Variants in FAM120C observed in about 807,000 individuals in gnomAD.
FAM120C encodes the protein family with sequence similarity 120 member C.
Under a neutral mutation model 71.2 loss-of-function variants are expected in FAM120C, and 14 were observed. The ratio of observed to expected loss-of-function variants is 0.20; its 90% CI spans 0.13 to 0.31. The LOEUF is 0.31. Ranked by LOEUF, FAM120C falls within the 10% of genes least tolerant of loss-of-function variation. The probability of loss-of-function intolerance (pLI) is 1.00; values close to 1 mark genes in which losing one functional copy is unlikely to be tolerated. For synonymous variants in FAM120C, 354 were observed against 353.2 expected, an observed-to-expected ratio of 1.00 and a Z score of -0.03; for missense variants, 500 against 879.0, an observed-to-expected ratio of 0.57 and a Z score of 5.45.
rs1244068586 is a variant in FAM120C at position 54,069,721 on chromosome X, A to T, written c.*3312T>A. On this transcript the variant is annotated 3_prime_UTR_variant, in exon 16 of 16. Coordinates refer to ENST00000375180, the MANE Select transcript of FAM120C (RefSeq NM_017848.6). Reference sequence around the variant, plus strand: ...AAATCAAATGTCACTAGCCAAAGCGAGTACCAATTCTTGGGCTTTAAAGTC... The same window carrying T: ...AAATCAAATGTCACTAGCCAAAGCGTGTACCAATTCTTGGGCTTTAAAGTC... 2.7e-5 allele frequency: 3 copies of T among 112,120 alleles called. No homozygotes were observed. The highest frequency in any genetic ancestry group is 5.6e-5 in the Non-Finnish European group (3 of 53,267). 9.2% of individuals were successfully genotyped at this position (112,120 alleles called of 1,213,427 possible). A position where few individuals can be genotyped will look rare whatever the true frequency, so the allele number is the denominator to read the frequency against.
At chrX:54,168,205 C>T (rs1021666439) in intron 1 of FAM120C, among the ~76,000 whole-genome samples, 1 of 111,333 alleles carries the variant, frequency 9.0e-6, no homozygotes, top group African/African-American at 3.3e-5. Flanking sequence ...GGTGGGATCA[C>T]GGCTCACTGC....
chrX:54,143,543 C>A (rs1325225009), intron 4 of FAM120C, among the ~76,000 whole-genome samples: 1 of 112,441 alleles, frequency 8.9e-6, no homozygotes, highest in Non-Finnish European at 1.9e-5. Context: ...AACACCTCTA[C>A]GCAAATAAAC....
intron 1 of FAM120C, among the ~76,000 whole-genome samples, chrX:54,167,356 G>A (rs1294396971): frequency 8.9e-6 from 1 of 111,814 alleles, no homozygotes; most frequent in Non-Finnish European, 1.9e-5. Flanking sequence ...AATTTTCCAG[G>A]AGAGTAAAAT....
intron 4 of FAM120C, among the ~76,000 whole-genome samples, chrX:54,137,026 C>A (rs1323043272): frequency 5.4e-5 from 6 of 110,122 alleles, no homozygotes; most frequent in African/African-American, 2.0e-4. Context: ...GATCTTGGCT[C>A]ACTGCAACCT....
chrX:54,085,962 T>G (rs1431657512), intron 12 of FAM120C, 46 bp from the exon 13 acceptor site: 1 of 1,120,622 alleles, frequency 8.9e-7, no homozygotes, highest in Non-Finnish European at 1.2e-6. Flanking sequence ...TTTTTCGAAC[T>G]TGTCCCATGT....
chrX:54,073,047 G>T lies in FAM120C; in HGVS notation c.3277C>A (p.Arg1093=), dbSNP rs782112448. The change falls in exon 16 of 16, where the codon CGG becomes AGG. Residue 1093 remains arginine (R), a synonymous_variant. Transcript: ENST00000375180. ...TCTTCAGCTTATCAGTCCTCTTTCC[G>T]TTGTGCCACAGTTTCTAGCTTTTGC... The part of the protein sequence containing the change: ...QEQKLETVAQ[R]KED The T allele has an allele frequency of 8.3e-7, 1 of 1,201,760 alleles. No individual in the cohort carries two copies. Among genetic ancestry groups the T allele is most frequent in the Non-Finnish European group, 1.1e-6 (1 of 890,322 alleles).
At chrX:54,094,624 C>A (rs1289688262) in intron 10 of FAM120C, among the ~76,000 whole-genome samples, 2 of 108,792 alleles carry the variant, frequency 1.8e-5, no homozygotes, top group Non-Finnish European at 3.8e-5. Context: ...GGCAGCCAGG[C>A]ACAGTGGCTC....
intron 15 of FAM120C, among the ~76,000 whole-genome samples, chrX:54,074,504 C>T (rs782703665): frequency 1.2e-4 from 13 of 112,620 alleles, no homozygotes; most frequent in East Asian, 5.6e-4. Context: ...CCGCAACCTC[C>T]GCCTCCTGGA....
At chrX:54,137,486 T>G in intron 4 of FAM120C, among the ~76,000 whole-genome samples, 2 of 109,193 alleles carry the variant, frequency 1.8e-5, no homozygotes, top group Admixed American at 9.6e-5. Flanking sequence ...AATAATAATC[T>G]AAGTAATTTT....
At chrX:54,108,668 C>G (rs966720039) in intron 10 of FAM120C, among the ~76,000 whole-genome samples, 13 of 111,248 alleles carry the variant, frequency 1.2e-4, no homozygotes, top group African/African-American at 4.2e-4. Context: ...CGGTGGCTCA[C>G]GCCTGTAATC....
chrX:54,114,039 T>TACACAC (rs201960191), intron 10 of FAM120C, among the ~76,000 whole-genome samples: 20 of 98,764 alleles, frequency 2.0e-4, no homozygotes, highest in Non-Finnish European at 3.7e-4. Context: ...GAAAGTGTGA[T>TACACAC]ACACACACAC....
Position 54,079,441 on chromosome X carries a change from C to CGAGAGA in FAM120C, c.3036+785_3036+790dup, listed in dbSNP as rs201642298. ...CCTGAGTGACAGAGTGAGACCCTGT[C>CGAGAGA]GAGAGAGAGAGAGAGAGAGAGAGAA... On this transcript the variant is annotated intron_variant, in intron 15 of 15. Transcript: ENST00000375180. 8.9e-4 allele frequency among the ~76,000 whole-genome samples: 89 copies of CGAGAGA among 100,417 alleles called. No individual in the cohort carries two copies. In the East Asian group the frequency reaches 0.014, roughly 15 times the overall value. 87.2% of individuals were successfully genotyped at this position (100,417 alleles called of 115,157 possible). A position where few individuals can be genotyped will look rare whatever the true frequency, so the allele number is the denominator to read the frequency against.
intron 4 of FAM120C, among the ~76,000 whole-genome samples, chrX:54,138,815 T>TAAAC (rs1313747848): frequency 1.4e-4 from 16 of 112,249 alleles, no homozygotes; most frequent in East Asian, 5.6e-4. Context: ...CGAGACTGTC[T>TAAAC]AAACAAACAA....
At chrX:54,167,068 T>C (rs1473059323) in intron 1 of FAM120C, among the ~76,000 whole-genome samples, 1 of 112,072 alleles carries the variant, frequency 8.9e-6, no homozygotes, top group African/African-American at 3.2e-5. Flanking sequence ...AAGAGTCTGA[T>C]TCAGTAGGTC....
Position 54,151,364 on chromosome X carries a change from G to T in FAM120C, c.1039C>A (p.His347Asn), listed in dbSNP as rs2067183520. The change falls in exon 4 of 16, where the codon CAT becomes AAT. Residue 347 changes from histidine to asparagine, a missense_variant. This residue lies in a region of FAM120C where 55 missense variants were observed against 96.7 expected (regional missense o/e 0.57). Transcript: ENST00000375180. ...TCACAGGGAGGAAGAACCAGCTGAT[G>T]AGCTCGAACCTAGAAAGGCAAGATA... ...HPLASLKVRA[H>N]QLVLPPCDVV... 8.3e-7 allele frequency: 1 copy of T among 1,206,781 alleles called. No individual in the cohort carries two copies. Among genetic ancestry groups the T allele is most frequent in the Non-Finnish European group, 1.1e-6 (1 of 894,157 alleles).
At chrX:54,118,602 T>C (rs1557127045) in intron 9 of FAM120C, among the ~76,000 whole-genome samples, 1 of 109,021 alleles carries the variant, frequency 9.2e-6, no homozygotes, top group Non-Finnish European at 1.9e-5. Context: ...CTGCATCCTC[T>C]CCGGGATATG....
chrX:54,178,769 G>A (rs1557136970), intron 1 of FAM120C, among the ~76,000 whole-genome samples: 2 of 111,770 alleles, frequency 1.8e-5, no homozygotes, highest in Non-Finnish European at 3.8e-5. Context: ...TTGCTTTATC[G>A]TATTCTAGAG....
intron 10 of FAM120C, among the ~76,000 whole-genome samples, chrX:54,111,483 T>C (rs782621796): frequency 9.1e-6 from 1 of 109,359 alleles, no homozygotes; most frequent in African/African-American, 3.3e-5. Context: ...AGCATTTCTA[T>C]ACACCAATAA....
chrX:54,157,237 G>T (rs1557133834), intron 3 of FAM120C, among the ~76,000 whole-genome samples: 1 of 110,915 alleles, frequency 9.0e-6, no homozygotes. Context: ...TAAGGGTATT[G>T]ATCATAACCA....
Sources: gnomAD v4.1 joint callset for allele counts (sites outside exome capture counted in the v4.1 genomes callset) on GRCh38, gnomAD v4.1.1 for gene constraint, gnomAD v4.1.1 regional missense constraint, MANE v1.5 for transcripts, NCBI Gene and HGNC (gene_info 2026-07-23, HGNC 2026-07-21) for gene names.